Variants in GLRA3 observed in about 807,000 individuals in gnomAD.
The protein encoded by GLRA3 is glycine receptor alpha 3.
In GLRA3, 44 loss-of-function variants were observed where a neutral mutation model predicts 60.4. That is an observed-to-expected ratio of 0.73 (90% confidence interval 0.57 to 0.94). GLRA3 has a LOEUF of 0.94. Ranked by LOEUF, GLRA3 falls within the 40% of genes least tolerant of loss-of-function variation. The probability of loss-of-function intolerance (pLI) is 0.00; values close to 1 mark genes in which losing one functional copy is unlikely to be tolerated. For synonymous variants in GLRA3, 223 were observed against 192.9 expected (o/e 1.16, Z -1.29); for missense variants, 508 against 564.6 (o/e 0.90, Z 1.02).
intron 3 of GLRA3, among the ~76,000 whole-genome samples, chr4:174,743,908 C>T (rs1737124878): frequency 4.0e-5 from 6 of 151,554 alleles, no homozygotes; most frequent in Admixed American, 3.3e-4. Flanking sequence ...ACAGGACCCC[C>T]TCTCTTGATC....
chr4:174,675,151 T>C (rs966438080), intron 7 of GLRA3, among the ~76,000 whole-genome samples: 1 of 152,164 alleles, frequency 6.6e-6, no homozygotes, highest in African/African-American at 2.4e-5. Context: ...ACACCTGTCA[T>C]CACATTTTTA....
At chr4:174,683,038 C>A (rs1392545091) in intron 5 of GLRA3, 99 bp from the exon 6 acceptor site, 1 of 881,768 alleles carries the variant, frequency 1.1e-6, no homozygotes, top group Non-Finnish European at 1.8e-6. Flanking sequence ...GAAGACCAAA[C>A]AGTGTCATCT....
chr4:174,659,351 T>C (rs1259294943), intron 7 of GLRA3, among the ~76,000 whole-genome samples, 154 bp from the exon 8 acceptor site: 1 of 152,236 alleles, frequency 6.6e-6, no homozygotes, highest in East Asian at 1.9e-4. Context: ...GTTTCCTTAG[T>C]TATTTTTGTA....
intron 1 of GLRA3, among the ~76,000 whole-genome samples, chr4:174,798,816 C>A (rs978904765): frequency 6.6e-6 from 1 of 151,920 alleles, no homozygotes; most frequent in African/African-American, 2.4e-5. Context: ...CCCAGCTACT[C>A]GGGAGGCTGA....
chr4:174,769,275 G>A (rs1738288008), intron 2 of GLRA3, among the ~76,000 whole-genome samples: 1 of 151,590 alleles, frequency 6.6e-6, no homozygotes, highest in African/African-American at 2.4e-5. Flanking sequence ...CTGTCTTCCT[G>A]TTATCCAATA....
chr4:174,818,155 C>G (rs1321551842), intron 1 of GLRA3, among the ~76,000 whole-genome samples: 1 of 152,078 alleles, frequency 6.6e-6, no homozygotes, highest in Non-Finnish European at 1.5e-5. Context: ...CAAATTTATT[C>G]TTATTTTCAC....
At chr4:174,663,672 G>A (rs945872902) in intron 7 of GLRA3, among the ~76,000 whole-genome samples, 3 of 152,038 alleles carry the variant, frequency 2.0e-5, no homozygotes, top group Non-Finnish European at 4.4e-5. Flanking sequence ...TAGCTTCTCC[G>A]CCAAGTACAG....
intron 3 of GLRA3, among the ~76,000 whole-genome samples, chr4:174,732,098 T>C (rs1736570169): frequency 6.6e-6 from 1 of 152,222 alleles, no homozygotes; most frequent in African/African-American, 2.4e-5. Context: ...GGCTTATGCC[T>C]TTAATCCCAG....
chr4:174,795,013 A>G (rs914317723), intron 1 of GLRA3, among the ~76,000 whole-genome samples: 5 of 151,256 alleles, frequency 3.3e-5, no homozygotes, highest in African/African-American at 1.2e-4. Flanking sequence ...AAGAGAAAAA[A>G]GTTAGAAATA....
At chr4:174,662,408 T>C (rs1303244799) in intron 7 of GLRA3, among the ~76,000 whole-genome samples, 1 of 152,194 alleles carries the variant, frequency 6.6e-6, no homozygotes, top group Non-Finnish European at 1.5e-5. Context: ...GAGAACAGAA[T>C]GTCAGGCTGG....
chr4:174,659,238 A>G (rs771088809), intron 7 of GLRA3, 41 bp from the exon 8 acceptor site: 39 of 1,498,728 alleles, frequency 2.6e-5, no homozygotes, highest in African/African-American at 2.2e-4. Context: ...ATTCACTTAT[A>G]TTGTTACTTC....
chr4:174,812,253 T>C lies in GLRA3; in HGVS notation c.71+16488A>G, dbSNP rs73008380. On this transcript the variant is annotated intron_variant, in intron 1 of 9. Transcript: ENST00000274093. Reference sequence around the variant, plus strand: ...ATTCAGGACATAAAAGCATGATATTTTGAAGCACCAATCTCTAGAGTCTCC... The same window carrying C: ...ATTCAGGACATAAAAGCATGATATTCTGAAGCACCAATCTCTAGAGTCTCC... Among the ~76,000 whole-genome samples, 528 of 152,232 alleles carry C rather than the reference T, an allele frequency of 3.5e-3. 2 individuals carry two copies. The highest frequency in any genetic ancestry group is 0.012 in the African/African-American group (505 of 41,540).
chr4:174,774,426 G>A (rs1738514107), intron 2 of GLRA3, among the ~76,000 whole-genome samples: 1 of 151,684 alleles, frequency 6.6e-6, no homozygotes. Context: ...ATGCTTATAT[G>A]TGTGGGTATA....
Position 174,656,761 on chromosome 4 carries a change from A to G in GLRA3, c.1098T>C (p.Phe366=), listed in dbSNP as rs762524873. 3.8e-6 allele frequency: 6 copies of G among 1,585,920 alleles called. No individual in the cohort carries two copies. The highest frequency in any genetic ancestry group is 3.5e-6 in the Non-Finnish European group (4 of 1,154,652). The part of the protein sequence containing the change: ...NKTEAFALEK[F]YRFSDMDDEV... ...AATTTACCATATCTGAGAAACGGTA[A>G]AACTTCTCCAGTGCAAAAGCTTCTG... Residue 366 remains phenylalanine, a synonymous_variant, in exon 9 of 10, where the codon TTT becomes TTC. Transcript: ENST00000274093.
intron 1 of GLRA3, among the ~76,000 whole-genome samples, chr4:174,797,799 C>G (rs539942250): frequency 6.6e-6 from 1 of 151,948 alleles, no homozygotes; most frequent in African/African-American, 2.4e-5. Context: ...GAAGAGATAG[C>G]AAACGCCTCT....
intron 6 of GLRA3, among the ~76,000 whole-genome samples, chr4:174,680,578 C>T (rs534181728): frequency 7.0e-4 from 107 of 152,158 alleles, no homozygotes; most frequent in African/African-American, 2.5e-3. Context: ...AGAGCAAAGG[C>T]CCTGAGACAG....
intron 3 of GLRA3, among the ~76,000 whole-genome samples, chr4:174,738,885 C>T (rs1473712329): frequency 6.6e-6 from 1 of 152,142 alleles, no homozygotes. Context: ...ATACTGCTTA[C>T]CACAAGTGAC....
intron 4 of GLRA3, among the ~76,000 whole-genome samples, chr4:174,727,611 C>T (rs140784686): frequency 6.6e-6 from 1 of 152,002 alleles, no homozygotes; most frequent in Non-Finnish European, 1.5e-5. Flanking sequence ...TTTAAATAAT[C>T]ACTATTTTAG....
At chr4:174,659,666 CATGTT>C (rs1478818685) in intron 7 of GLRA3, among the ~76,000 whole-genome samples, 6 of 151,724 alleles carry the variant, frequency 4.0e-5, no homozygotes, top group Non-Finnish European at 8.8e-5. Flanking sequence ...TTTATAAAGA[CATGTT>C]ATAAGAATAG....
Sources: allele counts gnomAD v4.1 joint callset (sites outside exome capture counted in the v4.1 genomes callset), GRCh38; gene constraint gnomAD v4.1.1; transcripts MANE v1.5; gene names NCBI Gene and HGNC (gene_info 2026-07-23, HGNC 2026-07-21).